ZCCHC2: variants seen among roughly 807,000 people sequenced by gnomAD.
ZCCHC2 encodes zinc finger CCHC-type containing 2.
In ZCCHC2, 39 loss-of-function variants were observed where a neutral mutation model predicts 103.6. That is an observed-to-expected ratio of 0.38 (90% confidence interval 0.29 to 0.49). The LOEUF is 0.49. ZCCHC2 is among the 20% of genes least tolerant of loss of function. ZCCHC2 has a pLI of 0.96. For synonymous variants in ZCCHC2, 687 were observed against 608.9 expected (o/e 1.13, Z -1.89); for missense variants, 1,483 against 1,491.0 (o/e 0.99, Z 0.09).
intron 1 of ZCCHC2, among the ~76,000 whole-genome samples, chr18:62,528,098 A>G (rs1203635719): frequency 6.6e-6 from 1 of 152,198 alleles, no homozygotes; most frequent in East Asian, 1.9e-4. Context: ...TTGTGTCACC[A>G]AGATCTTCAA....
chr18:62,539,822 A>G (rs778084943), intron 2 of ZCCHC2, 30 bp downstream of exon 2: 8 of 1,520,636 alleles, frequency 5.3e-6, no homozygotes, highest in Middle Eastern at 1.7e-4. Flanking sequence ...AACTTAAAGC[A>G]TTAATACATC....
chr18:62,528,754 A>G (rs895005411), intron 1 of ZCCHC2, among the ~76,000 whole-genome samples: 1 of 152,252 alleles, frequency 6.6e-6, no homozygotes, highest in African/African-American at 2.4e-5. Flanking sequence ...CTACTTCAAG[A>G]TAACTTGAAT....
chr18:62,532,134 C>T (rs1914708135), intron 1 of ZCCHC2, among the ~76,000 whole-genome samples: 1 of 152,230 alleles, frequency 6.6e-6, no homozygotes, highest in African/African-American at 2.4e-5. Flanking sequence ...CGCGCGCGCG[C>T]ACGTGCGCCC....
At chr18:62,525,252 T>C (rs1185519003) in intron 1 of ZCCHC2, 1 of 152,176 alleles carries the variant, frequency 6.6e-6, no homozygotes. Context: ...GTCGCAAACA[T>C]TAAAGATGAA....
At position 62,539,733 on chromosome 18, in the gene ZCCHC2, AG is replaced by A; in HGVS notation, c.993del (p.Glu331AspfsTer27). On this transcript the variant is annotated frameshift_variant, in exon 2 of 14. Coordinates refer to ENST00000269499, the MANE Select transcript of ZCCHC2 (RefSeq NM_017742.6). LOFTEE classifies it high-confidence loss of function. Reference protein sequence around the residue: ...YMQNNESSLIEQAPIPQDGLT... With the variant: ...YMQNNESSLIXQAPIPQDGLT... The stretch of plus-strand genomic sequence containing the variant: ...CAAAATAACGAGAGCAGCTTAATAG[AG>A]CAAGCTCCAATACCTCAGGACGGAC... 1 of 1,607,556 alleles carries A rather than the reference AG, an allele frequency of 6.2e-7. No homozygotes were observed. Among genetic ancestry groups the A allele is most frequent in the Non-Finnish European group, 8.5e-7 (1 of 1,176,988 alleles).
Position 62,575,483 on chromosome 18 carries a change from C to T in ZCCHC2, c.3402C>T (p.Tyr1134=), listed in dbSNP as rs751758207. The T allele has an allele frequency of 6.2e-6, 10 of 1,613,894 alleles. No individual in the cohort carries two copies. In the South Asian group the frequency reaches 1.1e-4, roughly 18 times the overall value. The change falls in exon 13 of 14, where the codon TAC becomes TAT. Residue 1134 remains tyrosine, a synonymous_variant. Coordinates refer to ENST00000269499, the MANE Select transcript of ZCCHC2 (RefSeq NM_017742.6). ...AGAAGAATGGGAATGTCTCATGTTACAATTGTGGTGTAAGCGGACACTATG... is the reference window on the plus strand; with the variant it reads ...AGAAGAATGGGAATGTCTCATGTTATAATTGTGGTGTAAGCGGACACTATG... The part of the protein sequence containing the change: ...GPKKNGNVSC[Y]NCGVSGHYAQ...
At chr18:62,540,580 T>G (rs991837853) in intron 2 of ZCCHC2, among the ~76,000 whole-genome samples, 1 of 152,184 alleles carries the variant, frequency 6.6e-6, no homozygotes, top group Non-Finnish European at 1.5e-5. Context: ...TACTCCTATC[T>G]TCCCAACTAA....
chr18:62,547,728 A>G (rs915104790), intron 4 of ZCCHC2, among the ~76,000 whole-genome samples: 8 of 151,924 alleles, frequency 5.3e-5, no homozygotes, highest in Middle Eastern at 6.8e-3. Flanking sequence ...CACCCGGCTA[A>G]TTTTTGTATT....
At chr18:62,532,442 A>G (rs1298145344) in intron 1 of ZCCHC2, among the ~76,000 whole-genome samples, 1 of 152,196 alleles carries the variant, frequency 6.6e-6, no homozygotes. Context: ...TAATCGTTTA[A>G]TACTACTACC....
At chr18:62,556,363 C>A in intron 6 of ZCCHC2, 66 bp downstream of exon 6, 1 of 1,262,050 alleles carries the variant, frequency 7.9e-7, no homozygotes, top group Non-Finnish European at 1.1e-6. Context: ...TTTACTGTGT[C>A]ATTTTGTGTA....
chr18:62,536,085 T>G (rs1338750712), intron 1 of ZCCHC2, among the ~76,000 whole-genome samples: 1 of 152,196 alleles, frequency 6.6e-6, no homozygotes, highest in East Asian at 1.9e-4. Flanking sequence ...GAAGAGTTTT[T>G]TAGGATGTCC....
At chr18:62,542,370 C>A in intron 2 of ZCCHC2, 128 bp from the exon 3 acceptor site, 1 of 608,854 alleles carries the variant, frequency 1.6e-6, no homozygotes, top group Non-Finnish European at 2.8e-6. Flanking sequence ...TGATTTAAGA[C>A]CAGTCATAAA....
At chr18:62,532,693 C>T (rs755058516) in intron 1 of ZCCHC2, among the ~76,000 whole-genome samples, 10 of 152,174 alleles carry the variant, frequency 6.6e-5, no homozygotes, top group South Asian at 2.1e-4. Context: ...GCACATATAT[C>T]GTTGTAATTT....
At chr18:62,565,125 C>A (rs900639740) in intron 11 of ZCCHC2, 29 bp downstream of exon 11, 19 of 1,482,910 alleles carry the variant, frequency 1.3e-5, no homozygotes, top group Non-Finnish European at 1.7e-5. Flanking sequence ...TTTCAAATAC[C>A]CATCACATAA....
In ZCCHC2 at chr18:62,575,467, G is replaced by A. The variant is rs759334185; in HGVS notation, c.3386G>A (p.Gly1129Glu). ...NTSGSGPKKN[G>E]NVSCYNCGVS... ...AGTGGTTCGGGGCCCAAGAAGAATG[G>A]GAATGTCTCATGTTACAATTGTGGT... The change falls in exon 13 of 14, where the codon GGG becomes GAG. Residue 1129 changes from glycine (G) to glutamate (E), a missense_variant. Gly to Glu is a moderately conservative substitution (Grantham distance 98). Around this residue, in one of 3 missense-constraint regions of ZCCHC2, gnomAD observed 884 missense variants for 907.5 expected, o/e 0.97. Transcript: ENST00000269499. 6.2e-7 allele frequency: 1 copy of A among 1,613,980 alleles called. No individual in the cohort carries two copies. The highest frequency in any genetic ancestry group is 1.3e-5 in the African/African-American group (1 of 75,042).
At chr18:62,584,080 C>T (rs1265979199) in intron 14 of ZCCHC2, among the ~76,000 whole-genome samples, 1 of 152,128 alleles carries the variant, frequency 6.6e-6, no homozygotes, top group Non-Finnish European at 1.5e-5. Flanking sequence ...TTGTGCTTGT[C>T]CATGCAAAAT....
chr18:62,551,655 G>C (rs1450969400), intron 5 of ZCCHC2: 1 of 153,250 alleles, frequency 6.5e-6, no homozygotes, highest in East Asian at 1.9e-4. Context: ...CTGAGTGAGT[G>C]GATCTGGAGG....
chr18:62,536,419 A>G (rs1026014893), intron 1 of ZCCHC2, among the ~76,000 whole-genome samples: 2 of 152,190 alleles, frequency 1.3e-5, no homozygotes, highest in Admixed American at 1.3e-4. Context: ...ACTTTTCTCC[A>G]ACTAGTCTTT....
At chr18:62,580,113 A>G (rs1917003381), downstream of ZCCHC2, among the ~76,000 whole-genome samples, 1 of 152,118 alleles carries the variant, frequency 6.6e-6, no homozygotes, top group Admixed American at 6.5e-5. Context: ...GAGCTTTATA[A>G]GGGTATCCTT....
Sources: gnomAD v4.1 joint callset for allele counts (sites outside exome capture counted in the v4.1 genomes callset) on GRCh38, gnomAD v4.1.1 for gene constraint, gnomAD v4.1.1 regional missense constraint, MANE v1.5 for transcripts, NCBI Gene and HGNC (gene_info 2026-07-23, HGNC 2026-07-21) for gene names.